The following GALNT17 variants were observed in gnomAD, a reference collection of about 807,000 sequenced individuals.
GALNT17 encodes polypeptide N-acetylgalactosaminyltransferase 17.
GALNT17 carries 29 observed loss-of-function variants against 63.7 expected under a neutral mutation model. The ratio of observed to expected loss-of-function variants is 0.46; its 90% CI spans 0.34 to 0.62. The LOEUF is 0.62. GALNT17 is among the 20% of genes least tolerant of loss of function. The pLI, the probability that GALNT17 is intolerant of heterozygous loss-of-function variation, is 0.01. For synonymous variants in GALNT17, 305 were observed against 318.3 expected (o/e 0.96, Z 0.45); for missense variants, 603 against 799.6 (o/e 0.75, Z 2.97).
At chr7:71,656,866 A>C (rs1406914212) in intron 6 of GALNT17, among the ~76,000 whole-genome samples, 1 of 152,082 alleles carries the variant, frequency 6.6e-6, no homozygotes, top group Non-Finnish European at 1.5e-5. Flanking sequence ...GAGAGAACAC[A>C]CTGTCTTTCT....
At chr7:71,279,409 CAT>C (rs1429413252) in intron 1 of GALNT17, among the ~76,000 whole-genome samples, 1 of 152,018 alleles carries the variant, frequency 6.6e-6, no homozygotes, top group African/African-American at 2.4e-5. Context: ...CCTCCCATGA[CAT>C]GTGGGGATTA....
intron 1 of GALNT17, among the ~76,000 whole-genome samples, chr7:71,247,126 T>C (rs1472771831): frequency 6.6e-6 from 1 of 152,210 alleles, no homozygotes; most frequent in Non-Finnish European, 1.5e-5. Context: ...CTTATTTCTC[T>C]AGTTCCTTGA....
At chr7:71,697,106 C>T (rs778678446) in intron 9 of GALNT17, among the ~76,000 whole-genome samples, 23 of 151,866 alleles carry the variant, frequency 1.5e-4, no homozygotes, top group Non-Finnish European at 3.1e-4. Context: ...TCAGACTAAG[C>T]CAGAAAAGCA....
chr7:71,143,518 G>C (rs1214535169), intron 1 of GALNT17, among the ~76,000 whole-genome samples: 3 of 152,112 alleles, frequency 2.0e-5, no homozygotes, highest in African/African-American at 7.2e-5. Flanking sequence ...GAGCAGAAGA[G>C]TGTGTGGGGA....
chr7:71,688,166 T>A (rs1210838048), intron 9 of GALNT17, among the ~76,000 whole-genome samples: 1 of 152,194 alleles, frequency 6.6e-6, no homozygotes, highest in African/African-American at 2.4e-5. Context: ...CCATATTTTT[T>A]AAAACCTCTC....
At chr7:71,611,811 G>A (rs77647845) in intron 6 of GALNT17, among the ~76,000 whole-genome samples, 1,736 of 152,138 alleles carry the variant, frequency 0.011, 37 homozygotes, top group African/African-American at 0.041. Context: ...AAAATGGAAA[G>A]CATTGTGTCA....
At chr7:71,414,184 T>C (rs1404245363) in intron 3 of GALNT17, among the ~76,000 whole-genome samples, 2 of 152,046 alleles carry the variant, frequency 1.3e-5, no homozygotes, top group African/African-American at 2.4e-5. Flanking sequence ...GAGGTTGCAG[T>C]GAGCTGAGAT....
At chr7:71,259,725 T>A (rs955225102) in intron 1 of GALNT17, among the ~76,000 whole-genome samples, 6 of 147,210 alleles carry the variant, frequency 4.1e-5, no homozygotes, top group Non-Finnish European at 8.9e-5. Flanking sequence ...CACTGCAAGC[T>A]CCGCCTCCCG....
At chr7:71,591,666 CGTTTGTTT>C (rs1234476949) in intron 6 of GALNT17, among the ~76,000 whole-genome samples, 1 of 142,728 alleles carries the variant, frequency 7.0e-6, no homozygotes, top group Admixed American at 6.7e-5. Flanking sequence ...TTTGTTTGTT[CGTTTGTTT>C]GTTTTTGAGA....
At chr7:71,663,792 G>A (rs1790942927) in intron 6 of GALNT17, among the ~76,000 whole-genome samples, 1 of 152,302 alleles carries the variant, frequency 6.6e-6, no homozygotes, top group Non-Finnish European at 1.5e-5. Context: ...ACTCAAGAGT[G>A]TCCCAGTATT....
At chr7:71,563,666 C>T (rs910163297) in intron 5 of GALNT17, among the ~76,000 whole-genome samples, 1 of 152,022 alleles carries the variant, frequency 6.6e-6, no homozygotes, top group Non-Finnish European at 1.5e-5. Flanking sequence ...GCAGCCTCAA[C>T]CTCCCAGGTT....
At chr7:71,656,851 G>C (rs541596290) in intron 6 of GALNT17, among the ~76,000 whole-genome samples, 4 of 152,132 alleles carry the variant, frequency 2.6e-5, no homozygotes, top group East Asian at 1.9e-4. Context: ...CGGAGGTCGT[G>C]GGGAGAGAGA....
At chr7:71,230,443 A>T (rs924376416) in intron 1 of GALNT17, among the ~76,000 whole-genome samples, 10 of 152,142 alleles carry the variant, frequency 6.6e-5, no homozygotes, top group Non-Finnish European at 1.2e-4. Context: ...AGTTGGTACC[A>T]GCATCAGGAG....
intron 5 of GALNT17, among the ~76,000 whole-genome samples, chr7:71,472,124 C>T (rs1403583767): frequency 6.6e-6 from 1 of 152,096 alleles, no homozygotes; most frequent in Non-Finnish European, 1.5e-5. Context: ...GGCCCCTTCT[C>T]CCTGTATCAT....
rs184861029 is a variant in GALNT17, at chr7:71,234,783, A to G, written c.239-100767A>G. The stretch of plus-strand genomic sequence containing the variant: ...ATTTCCACTGTTCAAGCAGGTTTCC[A>G]TATTAGGGATGCTGACTCCTGAATT... On this transcript the variant is annotated intron_variant, in intron 1 of 10. Coordinates refer to ENST00000333538, the MANE Select transcript of GALNT17 (RefSeq NM_022479.3). Among the ~76,000 whole-genome samples, 171 of 152,258 alleles carry G rather than the reference A, an allele frequency of 1.1e-3. 1 individual carries two copies. Among genetic ancestry groups the G allele is most frequent in the Non-Finnish European group, 1.8e-3 (124 of 68,022 alleles).
chr7:71,711,943 T>C, intron 10 of GALNT17, 75 bp from the exon 11 acceptor site: 1 of 1,509,162 alleles, frequency 6.6e-7, no homozygotes, highest in African/African-American at 1.4e-5. Context: ...TCTCTCTTTC[T>C]CCTCTCTCTA....
intron 1 of GALNT17, among the ~76,000 whole-genome samples, chr7:71,288,541 T>C (rs972044353): frequency 2.0e-5 from 3 of 152,190 alleles, no homozygotes; most frequent in African/African-American, 7.2e-5. Flanking sequence ...AGTATGTATG[T>C]GCTCCTCTGA....
chr7:71,423,855 G>A (rs1786710472), intron 5 of GALNT17, among the ~76,000 whole-genome samples: 1 of 152,094 alleles, frequency 6.6e-6, no homozygotes, highest in South Asian at 2.1e-4. Context: ...CCAGGAGGTC[G>A]AGGCTGTAGT....
intron 1 of GALNT17, among the ~76,000 whole-genome samples, chr7:71,258,176 G>A (rs181562962): frequency 1.3e-5 from 2 of 152,246 alleles, no homozygotes; most frequent in East Asian, 3.9e-4. Context: ...ATTCCTCCTG[G>A]GTATAGAACA....
Sources: allele counts gnomAD v4.1 joint callset (sites outside exome capture counted in the v4.1 genomes callset), GRCh38; gene constraint gnomAD v4.1.1; transcripts MANE v1.5; gene names NCBI Gene and HGNC (gene_info 2026-07-23, HGNC 2026-07-21).